Variants in GPR174 observed in about 807,000 individuals in gnomAD.
GPR174 encodes the protein G protein-coupled receptor 174.
A neutral mutation model predicts 16.5 loss-of-function variants in GPR174; 8 were observed. The ratio of observed to expected loss-of-function variants is 0.48; its 90% CI spans 0.28 to 0.87. The LOEUF (loss-of-function observed/expected upper bound fraction) is 0.87, where lower values mean the gene tolerates loss of function less well. Ranked by LOEUF, GPR174 falls within the 40% of genes least tolerant of loss-of-function variation. The pLI is 0.09. For synonymous variants in GPR174, 111 were observed against 94.8 expected (o/e 1.17, Z -0.99); for missense variants, 214 against 247.5 (o/e 0.86, Z 0.91).
Position 79,145,220 on chromosome X carries a change from A to G in GPR174, c.-654+3A>G, listed in dbSNP as rs1374869579. On this transcript the variant is annotated splice_donor_region_variant and intron_variant, in intron 1 of 2. Transcript: ENST00000645147. ...GAAAACAGAAAGAAACTGAAATGGT[A>G]GGTTCTAATTATTTATGCATAATTA... 6.3e-5 allele frequency: 7 copies of G among 110,430 alleles called. No individual in the cohort carries two copies. Among genetic ancestry groups the G allele is most frequent in the Non-Finnish European group, 1.3e-4 (7 of 52,802 alleles). 9.1% of individuals were successfully genotyped at this position (110,430 alleles called of 1,213,427 possible).
chrX:79,171,648 A>T lies in GPR174; in HGVS notation c.641A>T (p.Asp214Val). The change falls in exon 3 of 3, where the codon GAT (aspartate) becomes GTT (valine). Residue 214 changes from aspartate (D) to valine (V), a missense_variant. Transcript: ENST00000645147. Reference protein sequence around the residue: ...CTWKTVLSLQDKYPMAQDLGE... With the variant: ...CTWKTVLSLQVKYPMAQDLGE... ...TGGAAGACGGTTTTATCACTGCAAGATAAATATCCCATGGCCCAAGATCTT... is the reference window on the plus strand; with the variant it reads ...TGGAAGACGGTTTTATCACTGCAAGTTAAATATCCCATGGCCCAAGATCTT... 1 of 1,211,508 alleles carries T rather than the reference A, an allele frequency of 8.3e-7. No individual in the cohort carries two copies. The highest frequency in any genetic ancestry group is 1.8e-5 in the South Asian group (1 of 56,952).
At position 79,145,004 on chromosome X, in the gene GPR174, C is replaced by CTTTCTT. The variant is rs200203561; in HGVS notation, c.-866_-865insTTCTTT. On this transcript the variant is annotated 5_prime_UTR_variant, in exon 1 of 3. Transcript: ENST00000645147. ...TTTCTTTCTTTCTTTCTCTCTCTCT[C>CTTTCTT]TCTTTCTTTCTTTCTTTCTTTCTTT... is the stretch of plus-strand genomic sequence containing the variant. 46 of 49,493 alleles carry CTTTCTT rather than the reference C, an allele frequency of 9.3e-4. No homozygotes were observed. In the East Asian group the frequency reaches 0.028, roughly 30 times the overall value. The allele number at this position is 49,493 out of a possible 1,213,427, so 4.1% of individuals were successfully genotyped here.
intron 1 of GPR174, among the ~76,000 whole-genome samples, chrX:79,152,895 C>T (rs755403606): frequency 8.9e-6 from 1 of 112,020 alleles, no homozygotes; most frequent in East Asian, 2.8e-4. Flanking sequence ...TTGCAAAATA[C>T]CTTGTGCTAC....
intron 2 of GPR174, among the ~76,000 whole-genome samples, chrX:79,161,333 C>T (rs1241650680): frequency 1.8e-5 from 2 of 111,941 alleles, no homozygotes; most frequent in Non-Finnish European, 3.8e-5. Flanking sequence ...ATACATTGAA[C>T]TTGATTTAAA....
In GPR174 at chrX:79,165,883, T is replaced by C. The variant is rs766567289; in HGVS notation, c.-556-4569T>C. On this transcript the variant is annotated intron_variant, in intron 2 of 2. Coordinates refer to ENST00000645147, the MANE Select transcript of GPR174 (RefSeq NM_032553.3). ...TTATCTTGGACCTTAGTTTATTTTA[T>C]GTAAGCTTGGAAGCCCATAACTTTC... 3.6e-5 allele frequency among the ~76,000 whole-genome samples: 4 copies of C among 111,771 alleles called. No individual in the cohort carries two copies. The South Asian group carries it at 1.5e-3, about 43-fold the overall frequency.
chrX:79,172,152 C>G lies in GPR174; in HGVS notation c.*143C>G, dbSNP rs1476599065. 1.3e-5 allele frequency: 7 copies of G among 547,104 alleles called. No homozygotes were observed. Among genetic ancestry groups the G allele is most frequent in the Non-Finnish European group, 1.1e-5 (4 of 349,505 alleles). 45.1% of individuals were successfully genotyped at this position (547,104 alleles called of 1,213,427 possible). A position where few individuals can be genotyped will look rare whatever the true frequency, so the allele number is the denominator to read the frequency against. ...TACTGCTATGGGGAATTCACTTCTT[C>G]AAAGCAGGACCTATTTGGAGCATTA... On this transcript the variant is annotated 3_prime_UTR_variant, in exon 3 of 3. Transcript: ENST00000645147.
chrX:79,167,880 T>A (rs1221881158), intron 2 of GPR174, among the ~76,000 whole-genome samples: 1 of 111,996 alleles, frequency 8.9e-6, no homozygotes, highest in Non-Finnish European at 1.9e-5. Flanking sequence ...AGGGAACTCA[T>A]AGAAGATGTT....
In GPR174 at chrX:79,172,465, T is replaced by C. The variant is rs141687058; in HGVS notation, c.*456T>C. On this transcript the variant is annotated 3_prime_UTR_variant, in exon 3 of 3. Coordinates refer to ENST00000645147, the MANE Select transcript of GPR174 (RefSeq NM_032553.3). Reference sequence around the variant, plus strand: ...CATTTTCATATGTTTGGTTATATTTTAGTGGGATAGATGATATATTACCCT... The same window carrying C: ...CATTTTCATATGTTTGGTTATATTTCAGTGGGATAGATGATATATTACCCT... The C allele has an allele frequency of 2.9e-3, 348 of 118,567 alleles. 1 individual carries two copies. Among genetic ancestry groups the C allele is most frequent in the Non-Finnish European group, 5.2e-3 (299 of 57,319 alleles). 9.8% of individuals were successfully genotyped at this position (118,567 alleles called of 1,213,427 possible). A position where few individuals can be genotyped will look rare whatever the true frequency, so the allele number is the denominator to read the frequency against.
chrX:79,146,109 A>G (rs1926496089), intron 1 of GPR174, among the ~76,000 whole-genome samples: 1 of 111,801 alleles, frequency 8.9e-6, no homozygotes, highest in Non-Finnish European at 1.9e-5. Context: ...TTTAAACCAT[A>G]TGATGATACT....
intron 1 of GPR174, among the ~76,000 whole-genome samples, chrX:79,150,007 A>C (rs1926571213): frequency 9.0e-6 from 1 of 111,262 alleles, no homozygotes; most frequent in African/African-American, 3.3e-5. Context: ...TTACATTAAG[A>C]AATATTATCT....
rs758978943 is a variant in GPR174, at chrX:79,171,354, G to A, written c.347G>A (p.Arg116Gln). 2.5e-6 allele frequency: 3 copies of A among 1,211,576 alleles called. No individual in the cohort carries two copies. Among genetic ancestry groups the A allele is most frequent in the East Asian group, 3.0e-5 (1 of 33,824 alleles). The change falls in exon 3 of 3, where the codon CGA becomes CAA. Residue 116 changes from arginine to glutamine, a missense_variant. By Grantham distance (43) the Arg-to-Gln change is conservative (BLOSUM62 1). Transcript: ENST00000645147. ...IYFLVCISVR[R>Q]FWFLMYPFRF... Reference sequence around the variant, plus strand: ...TTCTTGGTCTGCATCAGTGTGCGACGATTTTGGTTTCTCATGTACCCCTTT... The same window carrying A: ...TTCTTGGTCTGCATCAGTGTGCGACAATTTTGGTTTCTCATGTACCCCTTT...
Position 79,172,313 on chromosome X carries a change from T to A in GPR174, c.*304T>A. 1 of 232,226 alleles carries A rather than the reference T, an allele frequency of 4.3e-6. No homozygotes were observed. Among genetic ancestry groups the A allele is most frequent in the Non-Finnish European group, 7.9e-6 (1 of 125,884 alleles). 19.1% of individuals were successfully genotyped at this position (232,226 alleles called of 1,213,427 possible). On this transcript the variant is annotated 3_prime_UTR_variant, in exon 3 of 3. Transcript: ENST00000645147. ...TAGTCAGTACTTTTACCTGTGAACC[T>A]CAGGCACAAAAAGATTATTAGCTTG...
chrX:79,151,847 G>A (rs1035476400), intron 1 of GPR174, among the ~76,000 whole-genome samples: 2 of 111,926 alleles, frequency 1.8e-5, no homozygotes, highest in African/African-American at 3.2e-5. Flanking sequence ...ATAAGCTAGC[G>A]CATATTAATT....
chrX:79,152,971 A>T lies in GPR174; in HGVS notation c.-653-3851A>T, dbSNP rs765573799. On this transcript the variant is annotated intron_variant, in intron 1 of 2. Transcript: ENST00000645147. ...TTTCACCTGACAAATTTCCCTTTGC[A>T]CATGTCAGCATTATGCCTGGTTAAG... is the stretch of plus-strand genomic sequence containing the variant. Among the ~76,000 whole-genome samples the T allele has an allele frequency of 3.6e-5, 4 of 112,187 alleles. No homozygotes were observed. In the South Asian group the frequency reaches 1.1e-3, roughly 31 times the overall value.
At chrX:79,153,727 T>C (rs1400064958) in intron 1 of GPR174, among the ~76,000 whole-genome samples, 2 of 111,791 alleles carry the variant, frequency 1.8e-5, no homozygotes, top group African/African-American at 6.5e-5. Context: ...AGTCTGACCA[T>C]ATGAAGGAAA....
At position 79,173,024 on chromosome X, in the gene GPR174, T is replaced by C. The variant is rs768469808; in HGVS notation, c.*1015T>C. 2.8e-4 allele frequency: 31 copies of C among 111,844 alleles called. No homozygotes were observed. The highest frequency in any genetic ancestry group is 9.1e-4 in the African/African-American group (28 of 30,795). 9.2% of individuals were successfully genotyped at this position (111,844 alleles called of 1,213,427 possible). On this transcript the variant is annotated 3_prime_UTR_variant, in exon 3 of 3. Transcript: ENST00000645147. ...GATGAAGCAAAGTTGGGTAATCTTT[T>C]TAAAATTCTCATCACATTGTATTTC...
intron 2 of GPR174, among the ~76,000 whole-genome samples, chrX:79,166,343 TAG>T (rs1266950990): frequency 9.1e-6 from 1 of 109,342 alleles, no homozygotes; most frequent in Non-Finnish European, 1.9e-5. Context: ...AGTTAAACAG[TAG>T]TCAACAAAAT....
intron 1 of GPR174, among the ~76,000 whole-genome samples, chrX:79,149,378 G>A (rs1198275544): frequency 1.8e-5 from 2 of 110,847 alleles, no homozygotes; most frequent in African/African-American, 3.3e-5. Context: ...GAAAGTTAGG[G>A]TTAAAGCTAG....
At chrX:79,164,826 C>T (rs769227717) in intron 2 of GPR174, among the ~76,000 whole-genome samples, 15 of 111,104 alleles carry the variant, frequency 1.4e-4, no homozygotes, top group African/African-American at 4.2e-4. Flanking sequence ...CTAGGGGAGG[C>T]TTATTTTCAA....
Sources: gnomAD v4.1 joint callset for allele counts (sites outside exome capture counted in the v4.1 genomes callset) on GRCh38, gnomAD v4.1.1 for gene constraint, MANE v1.5 for transcripts, NCBI Gene and HGNC (gene_info 2026-07-23, HGNC 2026-07-21) for gene names.